KYNU: variants seen among roughly 807,000 people sequenced by gnomAD.
KYNU encodes kynureninase.
KYNU carries 54 observed loss-of-function variants against 59.2 expected under a neutral mutation model. That is an observed-to-expected ratio of 0.91 (90% CI 0.73 to 1.14). The LOEUF (loss-of-function observed/expected upper bound fraction) is 1.14. Among genes scored for constraint, KYNU ranks in the 50% most tolerant of loss-of-function variants. The pLI is 0.00. For missense variants in KYNU, 567 were observed against 554.4 expected (o/e 1.02, Z -0.23); for synonymous variants, 177 against 192.0 (o/e 0.92, Z 0.65).
intron 8 of KYNU, among the ~76,000 whole-genome samples, chr2:142,961,982 T>G (rs569285327): frequency 1.3e-5 from 2 of 152,320 alleles, no homozygotes; most frequent in Admixed American, 6.5e-5. Context: ...ATCAGCAGTC[T>G]CTAGGAATTT....
At chr2:142,880,885 G>C (rs910683950) in intron 1 of KYNU, among the ~76,000 whole-genome samples, 1 of 152,188 alleles carries the variant, frequency 6.6e-6, no homozygotes, top group Non-Finnish European at 1.5e-5. Context: ...TTAGAATCAA[G>C]TTTCAGGCAT....
In KYNU at chr2:143,033,294, G is replaced by A. The variant is rs1221302525; in HGVS notation, c.1014G>A (p.Leu338=). 3 of 1,613,756 alleles carry A rather than the reference G, an allele frequency of 1.9e-6. No homozygotes were observed. Among genetic ancestry groups the A allele is most frequent in the Non-Finnish European group, 2.5e-6 (3 of 1,179,702 alleles). ...GFRISNPPIL[L]VCSLHASLEI... is the part of the protein sequence containing the mutation. The stretch of plus-strand genomic sequence containing the variant: ...GAATTTCAAATCCTCCCATTTTGTT[G>A]GTCTGTTCCTTGCATGCTAGTTTAG... Residue 338 remains leucine, a synonymous_variant, in exon 12 of 14, where the codon TTG becomes TTA. Transcript: ENST00000264170.
In KYNU at chr2:142,934,875, C is replaced by G. The variant is rs530588577; in HGVS notation, c.373+7134C>G. ...GGGGTCCTCCGCAAAGGGGGCATGG[C>G]CTGGTGGGCTTACCTGGGTTTGGGC... On this transcript the variant is annotated intron_variant, in intron 4 of 13. Transcript: ENST00000264170. Among the ~76,000 whole-genome samples, 283 of 152,296 alleles carry G rather than the reference C, an allele frequency of 1.9e-3. 1 individual carries two copies. Among genetic ancestry groups the G allele is most frequent in the African/African-American group, 5.7e-3 (239 of 41,566 alleles).
intron 2 of KYNU, among the ~76,000 whole-genome samples, chr2:142,918,097 A>G (rs1006948857): frequency 2.1e-4 from 32 of 152,202 alleles, no homozygotes; most frequent in African/African-American, 7.5e-4. Context: ...TGTTAGTACT[A>G]TGTGTACGTG....
In KYNU at chr2:143,043,015, C is replaced by T. The variant is rs1389282976; in HGVS notation, c.*843C>T. On this transcript the variant is annotated 3_prime_UTR_variant, in exon 14 of 14. Coordinates refer to ENST00000264170, the MANE Select transcript of KYNU (RefSeq NM_003937.3). ...TCTAATAGGTACTATTCTATTTTATCTCATAAGAAATGTTGGAAACTCATT... is the reference window on the plus strand; with the variant it reads ...TCTAATAGGTACTATTCTATTTTATTTCATAAGAAATGTTGGAAACTCATT... 1 of 151,854 alleles carries T rather than the reference C, an allele frequency of 6.6e-6. No individual in the cohort carries two copies. Among genetic ancestry groups the T allele is most frequent in the Non-Finnish European group, 1.5e-5 (1 of 67,894 alleles). 9.4% of individuals were successfully genotyped at this position (151,854 alleles called of 1,614,324 possible). A position where few individuals can be genotyped will look rare whatever the true frequency, so the allele number is the denominator to read the frequency against.
chr2:142,905,805 C>T (rs534334228), intron 2 of KYNU, among the ~76,000 whole-genome samples: 1 of 152,168 alleles, frequency 6.6e-6, no homozygotes, highest in Non-Finnish European at 1.5e-5. Flanking sequence ...TACAGGTTGT[C>T]AGTGGTCTCA....
intron 4 of KYNU, among the ~76,000 whole-genome samples, chr2:142,929,961 G>T (rs1252525903): frequency 6.6e-6 from 1 of 152,148 alleles, no homozygotes. Context: ...GAAAGATTTG[G>T]TTATATTCTT....
At chr2:142,909,104 G>C (rs1573776773) in intron 2 of KYNU, among the ~76,000 whole-genome samples, 1 of 151,584 alleles carries the variant, frequency 6.6e-6, no homozygotes, top group East Asian at 1.9e-4. Context: ...ATTTACAATT[G>C]TGATCATATA....
At chr2:143,008,402 A>T (rs1239447382) in intron 10 of KYNU, among the ~76,000 whole-genome samples, 2 of 47,512 alleles carry the variant, frequency 4.2e-5, no homozygotes, top group South Asian at 2.5e-3. Context: ...ACCCAGATTC[A>T]TAAAGCAAGT....
At chr2:142,992,632 A>G (rs919934447) in intron 10 of KYNU, among the ~76,000 whole-genome samples, 4 of 151,894 alleles carry the variant, frequency 2.6e-5, no homozygotes, top group African/African-American at 9.7e-5. Flanking sequence ...GTGTGTATAC[A>G]TACACACACA....
At chr2:142,999,169 A>G (rs188177292) in intron 10 of KYNU, among the ~76,000 whole-genome samples, 205 of 152,128 alleles carry the variant, frequency 1.3e-3, no homozygotes, top group African/African-American at 4.7e-3. Flanking sequence ...CCTGCTCCCG[A>G]TGGTTTTGCA....
At chr2:142,965,458 T>G (rs1400361056) in intron 8 of KYNU, among the ~76,000 whole-genome samples, 1 of 152,160 alleles carries the variant, frequency 6.6e-6, no homozygotes, top group Non-Finnish European at 1.5e-5. Context: ...AAGGGGCTGC[T>G]GGGGTCCACT....
chr2:143,027,725 A>G (rs1277324346), intron 10 of KYNU, among the ~76,000 whole-genome samples: 3 of 152,110 alleles, frequency 2.0e-5, no homozygotes, highest in Non-Finnish European at 4.4e-5. Context: ...CTTCTGTTTT[A>G]TACTTAGAAA....
At chr2:143,020,841 T>G (rs1263237557) in intron 10 of KYNU, among the ~76,000 whole-genome samples, 1 of 152,200 alleles carries the variant, frequency 6.6e-6, no homozygotes, top group East Asian at 1.9e-4. Context: ...GTGTTTATCT[T>G]TATAACTTTG....
At chr2:142,995,025 G>C (rs73964617) in intron 10 of KYNU, among the ~76,000 whole-genome samples, 3 of 152,078 alleles carry the variant, frequency 2.0e-5, no homozygotes, top group Non-Finnish European at 4.4e-5. Context: ...AATTCAAGTC[G>C]TTCTTTCTAA....
chr2:142,956,615 C>T (rs1684173384), intron 6 of KYNU, among the ~76,000 whole-genome samples: 1 of 152,104 alleles, frequency 6.6e-6, no homozygotes, highest in South Asian at 2.1e-4. Context: ...ATACAAACCC[C>T]AGTGCTTAAC....
intron 2 of KYNU, among the ~76,000 whole-genome samples, chr2:142,892,988 C>T (rs916213072): frequency 2.0e-5 from 3 of 152,142 alleles, no homozygotes; most frequent in Non-Finnish European, 2.9e-5. Flanking sequence ...ACCTAAGCCC[C>T]TGGGCCAGTG....
At position 143,033,311 on chromosome 2, in the gene KYNU, C is replaced by A; in HGVS notation, c.1031C>A (p.Ala344Asp). The change falls in exon 12 of 14, where the codon GCT becomes GAT. Residue 344 changes from alanine to aspartate, a missense_variant. By Grantham distance (126) the Ala-to-Asp change is moderately radical (BLOSUM62 -2). Coordinates refer to ENST00000264170, the MANE Select transcript of KYNU (RefSeq NM_003937.3). Reference protein sequence around the residue: ...PPILLVCSLHASLEIFKQATM... With the variant: ...PPILLVCSLHDSLEIFKQATM... ...ATTTTGTTGGTCTGTTCCTTGCATG[C>A]TAGTTTAGAGGTAAGTGATGTGTGT... 6.2e-7 allele frequency: 1 copy of A among 1,612,042 alleles called. No homozygotes were observed. The highest frequency in any genetic ancestry group is 8.5e-7 in the Non-Finnish European group (1 of 1,178,124).
At chr2:142,893,683 G>T (rs1050647396) in intron 2 of KYNU, among the ~76,000 whole-genome samples, 4 of 152,102 alleles carry the variant, frequency 2.6e-5, no homozygotes, top group African/African-American at 9.7e-5. Context: ...GAGACAGACA[G>T]ACAGATAACA....
Sources: allele counts gnomAD v4.1 joint callset (sites outside exome capture counted in the v4.1 genomes callset), GRCh38; gene constraint gnomAD v4.1.1; transcripts MANE v1.5; gene names NCBI Gene and HGNC (gene_info 2026-07-23, HGNC 2026-07-21).